Variants in ZCCHC7 observed in about 807,000 individuals in gnomAD.
ZCCHC7 encodes the protein zinc finger CCHC-type containing 7.
A neutral mutation model predicts 52.0 loss-of-function variants in ZCCHC7; 35 were observed. The ratio of observed to expected loss-of-function variants is 0.67; its 90% CI spans 0.51 to 0.89. The LOEUF is 0.89. ZCCHC7 is among the 40% of genes least tolerant of loss of function. The pLI is 0.00. For missense variants in ZCCHC7, 574 were observed against 649.1 expected (o/e 0.88, Z 1.26); for synonymous variants, 217 against 221.5 (o/e 0.98, Z 0.18).
chr9:37,143,989 C>T (rs1054330893), intron 2 of ZCCHC7, among the ~76,000 whole-genome samples: 1 of 151,668 alleles, frequency 6.6e-6, no homozygotes, highest in Admixed American at 6.6e-5. Context: ...AATTTTATTT[C>T]TTGTAAGGAC....
chr9:37,237,464 C>A (rs1420037432), intron 2 of ZCCHC7, among the ~76,000 whole-genome samples: 2 of 152,116 alleles, frequency 1.3e-5, no homozygotes, highest in Non-Finnish European at 2.9e-5. Context: ...ATGTCTTTCC[C>A]CTTGACTGTA....
intron 6 of ZCCHC7, among the ~76,000 whole-genome samples, chr9:37,330,557 A>T (rs1429268593): frequency 6.6e-6 from 1 of 151,682 alleles, no homozygotes; most frequent in African/African-American, 2.4e-5. Context: ...AAAGAAAAAA[A>T]TATTGTTTTT....
At chr9:37,215,426 C>T (rs1824453062) in intron 2 of ZCCHC7, among the ~76,000 whole-genome samples, 1 of 152,126 alleles carries the variant, frequency 6.6e-6, no homozygotes, top group Non-Finnish European at 1.5e-5. Context: ...ATTAATGATG[C>T]TATTTATCTT....
At chr9:37,149,442 C>A (rs1365496392) in intron 2 of ZCCHC7, among the ~76,000 whole-genome samples, 1 of 152,010 alleles carries the variant, frequency 6.6e-6, no homozygotes, top group Non-Finnish European at 1.5e-5. Context: ...AAATACCCCC[C>A]TGTCCCCAAC....
At chr9:37,278,034 G>GTGTGTGTGTGTTTTGTTT (rs74182939) in intron 2 of ZCCHC7, among the ~76,000 whole-genome samples, 6 of 142,860 alleles carry the variant, frequency 4.2e-5, no homozygotes, top group African/African-American at 1.6e-4. Context: ...GTGTGTGTGT[G>GTGTGTGTGTGTTTTGTTT]TGTTTTGTTT....
intron 2 of ZCCHC7, among the ~76,000 whole-genome samples, chr9:37,194,674 G>A (rs1386086852): frequency 1.3e-5 from 2 of 152,150 alleles, no homozygotes; most frequent in Non-Finnish European, 2.9e-5. Context: ...TTAACTTCAG[G>A]AAGGCTTCTG....
At chr9:37,166,446 A>AT (rs973223824) in intron 2 of ZCCHC7, among the ~76,000 whole-genome samples, 7 of 151,032 alleles carry the variant, frequency 4.6e-5, no homozygotes, top group African/African-American at 1.7e-4. Flanking sequence ...CACTTTTCTC[A>AT]TTTTTTTTCC....
At chr9:37,227,417 G>A (rs1825168977) in intron 2 of ZCCHC7, among the ~76,000 whole-genome samples, 1 of 152,258 alleles carries the variant, frequency 6.6e-6, no homozygotes, top group African/African-American at 2.4e-5. Context: ...TACTGCTCTT[G>A]TCCACTAGAA....
intron 2 of ZCCHC7, among the ~76,000 whole-genome samples, chr9:37,287,003 C>T (rs1217120334): frequency 8.0e-4 from 1 of 1,244 alleles, no homozygotes; most frequent in African/African-American, 1.5e-3. Flanking sequence ...CCCCCTCCTT[C>T]CCTCCCTCCC....
intron 2 of ZCCHC7, among the ~76,000 whole-genome samples, chr9:37,208,387 A>G (rs975229545): frequency 1.3e-5 from 2 of 152,154 alleles, no homozygotes; most frequent in African/African-American, 2.4e-5. Context: ...CTCCCGGCCT[A>G]TTAAAGCTTC....
At chr9:37,249,174 C>G (rs1588548665) in intron 2 of ZCCHC7, among the ~76,000 whole-genome samples, 1 of 151,932 alleles carries the variant, frequency 6.6e-6, no homozygotes, top group East Asian at 1.9e-4. Context: ...GTCTATGGTC[C>G]CATTTATTGT....
chr9:37,146,413 A>G (rs1305358740), intron 2 of ZCCHC7, among the ~76,000 whole-genome samples: 7 of 151,934 alleles, frequency 4.6e-5, no homozygotes, highest in Admixed American at 1.3e-4. Flanking sequence ...TTCTTTCATT[A>G]TAATTTGAAA....
chr9:37,280,406 T>C (rs1270867911), intron 2 of ZCCHC7, among the ~76,000 whole-genome samples: 9 of 152,204 alleles, frequency 5.9e-5, no homozygotes, highest in African/African-American at 1.9e-4. Flanking sequence ...TTGGCATTTA[T>C]AGAACACAAA....
Position 37,134,719 on chromosome 9 carries a change from TTTG to T in ZCCHC7, c.610+7789_610+7791del, listed in dbSNP as rs747774504. On this transcript the variant is annotated intron_variant, in intron 2 of 8. Transcript: ENST00000336755. ...TGCCCTTGTTTTTTGTTGGTTGTTT[TTTG>T]TTGTTGTTGTTTTATTTTTTGAGAC... Among the ~76,000 whole-genome samples the T allele has an allele frequency of 4.0e-4, 61 of 152,222 alleles. 1 individual carries two copies. The highest frequency in any genetic ancestry group is 3.9e-3 in the South Asian group (19 of 4,812).
chr9:37,167,499 C>A (rs1421593002), intron 2 of ZCCHC7, among the ~76,000 whole-genome samples: 3 of 152,014 alleles, frequency 2.0e-5, no homozygotes, highest in Non-Finnish European at 4.4e-5. Flanking sequence ...GTTCTTGTCC[C>A]CTAATTTTAA....
chr9:37,213,463 A>G (rs1346870814), intron 2 of ZCCHC7, among the ~76,000 whole-genome samples: 2 of 152,148 alleles, frequency 1.3e-5, no homozygotes, highest in Non-Finnish European at 2.9e-5. Flanking sequence ...CAGCAACAGA[A>G]CCCTTGTTAG....
intron 2 of ZCCHC7, among the ~76,000 whole-genome samples, chr9:37,297,478 A>C (rs938455442): frequency 6.6e-6 from 1 of 152,190 alleles, no homozygotes; most frequent in Admixed American, 6.5e-5. Context: ...CAAATTCACC[A>C]TTGATTTGTG....
At chr9:37,337,795 T>G (rs749847154) in intron 6 of ZCCHC7, among the ~76,000 whole-genome samples, 64 of 152,188 alleles carry the variant, frequency 4.2e-4, no homozygotes, top group Non-Finnish European at 7.5e-4. Flanking sequence ...TGCACATTAC[T>G]TCAGAAGAGC....
chr9:37,221,781 A>C (rs1013941461), intron 2 of ZCCHC7, among the ~76,000 whole-genome samples: 1 of 152,210 alleles, frequency 6.6e-6, no homozygotes, highest in Non-Finnish European at 1.5e-5. Flanking sequence ...ACGAGTACTA[A>C]AAATGATCTT....
Sources: allele counts gnomAD v4.1 joint callset (sites outside exome capture counted in the v4.1 genomes callset), GRCh38; gene constraint gnomAD v4.1.1; transcripts MANE v1.5; gene names NCBI Gene and HGNC (gene_info 2026-07-23, HGNC 2026-07-21).